FMN1: variants seen among roughly 807,000 people sequenced by gnomAD.
The protein encoded by FMN1 is formin 1, also known as formin-1.
In FMN1, 110 loss-of-function variants were observed where a neutral mutation model predicts 132.4. That is an observed-to-expected ratio of 0.83 (90% CI 0.71 to 0.97). The LOEUF (loss-of-function observed/expected upper bound fraction) is 0.97. Ranked by LOEUF, FMN1 falls within the 50% of genes least tolerant of loss-of-function variation. The probability of loss-of-function intolerance (pLI) is 0.00; values close to 1 mark genes in which losing one functional copy is unlikely to be tolerated. For missense variants in FMN1, 1,792 were observed against 1,705.3 expected, an observed-to-expected ratio of 1.05 and a Z score of -0.90; for synonymous variants, 722 against 651.7, an observed-to-expected ratio of 1.11 and a Z score of -1.64.
At chr15:33,073,843 A>C (rs2038094188) in intron 5 of FMN1, among the ~76,000 whole-genome samples, 1 of 150,734 alleles carries the variant, frequency 6.6e-6, no homozygotes, top group Admixed American at 6.6e-5. Flanking sequence ...TGATTCTCCC[A>C]CCTCAGCCTC....
chr15:33,065,781 G>GT (rs1566882919), intron 5 of FMN1, among the ~76,000 whole-genome samples: 1 of 152,090 alleles, frequency 6.6e-6, no homozygotes, highest in Non-Finnish European at 1.5e-5. Flanking sequence ...TCTTCTGATC[G>GT]TTTAAGATCT....
intron 16 of FMN1, among the ~76,000 whole-genome samples, chr15:32,872,471 T>C (rs2059538808): frequency 6.6e-6 from 1 of 152,190 alleles, no homozygotes; most frequent in African/African-American, 2.4e-5. Flanking sequence ...ATCAGGAAAA[T>C]AGTACTCCTA....
chr15:33,154,575 T>C lies in FMN1; in HGVS notation c.340A>G (p.Asn114Asp). The change falls in exon 4 of 21, where the codon AAC becomes GAC. Residue 114 changes from asparagine to aspartate, a missense_variant. This residue lies in a region of FMN1 where 638 missense variants were observed against 645.2 expected (regional missense o/e 0.99). Transcript: ENST00000616417. Reference protein sequence around the residue: ...SDHILGITMGNQEGKLQELSV... With the variant: ...SDHILGITMGDQEGKLQELSV... ...AGCTCTTGCAGCTTCCCCTCCTGGT[T>C]CCCCATCGTGATCCCCAGGATGTGG... 6.5e-7 allele frequency: 1 copy of C among 1,536,142 alleles called. No individual in the cohort carries two copies. Among genetic ancestry groups the C allele is most frequent in the Non-Finnish European group, 8.7e-7 (1 of 1,146,908 alleles).
chr15:32,830,706 T>C (rs2058478985), intron 17 of FMN1, among the ~76,000 whole-genome samples: 1 of 152,174 alleles, frequency 6.6e-6, no homozygotes, highest in Non-Finnish European at 1.5e-5. Context: ...GGGGCAGTTA[T>C]ATTATTGAGT....
intron 6 of FMN1, among the ~76,000 whole-genome samples, chr15:33,028,090 A>C (rs929272973): frequency 2.0e-5 from 3 of 152,212 alleles, no homozygotes; most frequent in Non-Finnish European, 2.9e-5. Flanking sequence ...AACATTGACT[A>C]CATATTACAA....
intron 11 of FMN1, among the ~76,000 whole-genome samples, 191 bp from the exon 12 acceptor site, chr15:32,908,769 G>T (rs977448806): frequency 6.6e-6 from 1 of 152,034 alleles, no homozygotes; most frequent in Non-Finnish European, 1.5e-5. Flanking sequence ...GGTGTGGGTG[G>T]GGGTGGGGGG....
chr15:33,083,197 GA>G (rs1404046496), intron 5 of FMN1, among the ~76,000 whole-genome samples: 5 of 152,158 alleles, frequency 3.3e-5, no homozygotes, highest in Non-Finnish European at 7.3e-5. Context: ...CTTCTTAAGT[GA>G]TAAGAGCCAT....
At chr15:32,861,272 G>A (rs568434653) in intron 16 of FMN1, among the ~76,000 whole-genome samples, 7 of 152,364 alleles carry the variant, frequency 4.6e-5, no homozygotes, top group Non-Finnish European at 8.8e-5. Flanking sequence ...GCTGAAGGCA[G>A]AGCTTGTTTC....
intron 4 of FMN1, among the ~76,000 whole-genome samples, chr15:33,149,386 G>C (rs1002557819): frequency 6.6e-6 from 1 of 152,132 alleles, no homozygotes; most frequent in African/African-American, 2.4e-5. Context: ...TAATATTACA[G>C]AGCATAAATG....
intron 4 of FMN1, among the ~76,000 whole-genome samples, chr15:33,133,338 G>A (rs1040120022): frequency 6.6e-6 from 1 of 152,220 alleles, no homozygotes; most frequent in Admixed American, 6.5e-5. Flanking sequence ...GCAAGACACA[G>A]TCCCTGAGCT....
chr15:32,926,735 G>C (rs2060971272), intron 9 of FMN1, among the ~76,000 whole-genome samples: 2 of 152,176 alleles, frequency 1.3e-5, no homozygotes, highest in Non-Finnish European at 2.9e-5. Flanking sequence ...CCTTGGTAAA[G>C]TGATAACCTC....
chr15:32,839,382 A>G (rs2058696628), intron 17 of FMN1, among the ~76,000 whole-genome samples: 1 of 152,090 alleles, frequency 6.6e-6, no homozygotes, highest in South Asian at 2.1e-4. Flanking sequence ...GCCCTTTCAG[A>G]CTTCACTGGA....
At chr15:32,918,593 T>C (rs34075109) in intron 10 of FMN1, among the ~76,000 whole-genome samples, 2,588 of 152,334 alleles carry the variant, frequency 0.017, 36 homozygotes, top group Non-Finnish European at 0.023. Context: ...GGTCTCCTTT[T>C]ACAGGCGCAA....
intron 9 of FMN1, among the ~76,000 whole-genome samples, chr15:32,939,253 G>T (rs186468170): frequency 6.6e-6 from 1 of 152,246 alleles, no homozygotes; most frequent in East Asian, 1.9e-4. Context: ...ACAGCTAACC[G>T]AATTTTTACG....
At chr15:32,959,576 A>T (rs1277768373) in intron 9 of FMN1, among the ~76,000 whole-genome samples, 8 of 152,224 alleles carry the variant, frequency 5.3e-5, no homozygotes, top group Non-Finnish European at 1.2e-4. Context: ...CAAGCACTAC[A>T]CAAGTGCACG....
Position 33,077,384 on chromosome 15 carries a change from C to CT in FMN1, c.2043+11414dup, listed in dbSNP as rs1327349769. The stretch of plus-strand genomic sequence containing the variant: ...ATATATATATATTTTTTTTATTATA[C>CT]TTTAAGTTCTAGGGAACATGTGCAC... On this transcript the variant is annotated intron_variant, in intron 5 of 20. Transcript: ENST00000616417. 7.3e-5 allele frequency among the ~76,000 whole-genome samples: 10 copies of CT among 137,886 alleles called. No individual in the cohort carries two copies. The South Asian group carries it at 2.1e-3, about 28-fold the overall frequency. 90.5% of individuals were successfully genotyped at this position (137,886 alleles called of 152,430 possible).
intron 7 of FMN1, among the ~76,000 whole-genome samples, chr15:33,006,354 A>T (rs904162676): frequency 6.6e-6 from 1 of 152,156 alleles, no homozygotes; most frequent in Admixed American, 6.5e-5. Flanking sequence ...ATCACTTCAC[A>T]ACTGTTAGAA....
intron 5 of FMN1, among the ~76,000 whole-genome samples, chr15:33,071,897 T>C (rs912273577): frequency 4.6e-5 from 7 of 152,208 alleles, no homozygotes; most frequent in African/African-American, 1.4e-4. Context: ...AGTAATCACT[T>C]CTCTTGGACA....
intron 4 of FMN1, among the ~76,000 whole-genome samples, chr15:33,143,892 A>C: frequency 6.6e-6 from 1 of 152,248 alleles, no homozygotes; most frequent in Non-Finnish European, 1.5e-5. Flanking sequence ...GTTCTTTATC[A>C]CAGAAGAATC....
Sources: allele counts gnomAD v4.1 joint callset (sites outside exome capture counted in the v4.1 genomes callset), GRCh38; gene constraint gnomAD v4.1.1; regional missense constraint gnomAD v4.1.1; transcripts MANE v1.5; gene names NCBI Gene and HGNC (gene_info 2026-07-23, HGNC 2026-07-21).